The following RASAL2 variants were observed in gnomAD, a reference collection of about 807,000 sequenced individuals.
The protein encoded by RASAL2 is RAS protein activator like 2.
In RASAL2, 58 loss-of-function variants were observed where a neutral mutation model predicts 128.9. That is an observed-to-expected ratio of 0.45 (90% CI 0.36 to 0.56). The LOEUF (loss-of-function observed/expected upper bound fraction) is 0.56, where lower values mean the gene tolerates loss of function less well. Ranked by LOEUF, RASAL2 falls within the 20% of genes least tolerant of loss-of-function variation. RASAL2 has a pLI of 0.00. For missense variants in RASAL2, 1,360 were observed against 1,601.6 expected (o/e 0.85, Z 2.57); for synonymous variants, 561 against 580.8 (o/e 0.97, Z 0.49).
At chr1:178,385,186 C>T (rs1672492740) in intron 3 of RASAL2, among the ~76,000 whole-genome samples, 1 of 152,166 alleles carries the variant, frequency 6.6e-6, no homozygotes, top group African/African-American at 2.4e-5. Flanking sequence ...GTGGAGTTGG[C>T]TCAAGCCTGT....
intron 16 of RASAL2, among the ~76,000 whole-genome samples, 173 bp downstream of exon 16, chr1:178,466,295 A>C (rs1464202231): frequency 6.6e-6 from 1 of 152,270 alleles, no homozygotes; most frequent in East Asian, 1.9e-4. Context: ...GACCTTGGGC[A>C]CTTCCTATGA....
intron 2 of RASAL2, among the ~76,000 whole-genome samples, chr1:178,292,460 T>C (rs957873157): frequency 1.3e-4 from 20 of 152,322 alleles, no homozygotes; most frequent in Admixed American, 3.9e-4. Flanking sequence ...GAAGGGTAGA[T>C]TGGGGCAGAA....
At chr1:178,149,270 G>A (rs763769270) in intron 1 of RASAL2, among the ~76,000 whole-genome samples, 9 of 152,016 alleles carry the variant, frequency 5.9e-5, no homozygotes, top group Non-Finnish European at 1.2e-4. Context: ...TCTATAAAAG[G>A]GAATGTACTA....
chr1:178,331,275 A>G (rs2102368868), intron 3 of RASAL2, among the ~76,000 whole-genome samples: 1 of 152,294 alleles, frequency 6.6e-6, no homozygotes, highest in African/African-American at 2.4e-5. Flanking sequence ...GGCTCAAGCA[A>G]ATCCACCCGC....
At chr1:178,104,542 T>A (rs144061153) in intron 1 of RASAL2, among the ~76,000 whole-genome samples, 3 of 152,264 alleles carry the variant, frequency 2.0e-5, no homozygotes, top group African/African-American at 4.8e-5. Flanking sequence ...CCTAGAAGAG[T>A]ATGAAATGTT....
rs1303006336 is a variant in RASAL2, at chr1:178,383,049, GA to G, written c.458-7044del. On this transcript the variant is annotated intron_variant, in intron 3 of 17. Coordinates refer to ENST00000367649, the MANE Select transcript of RASAL2 (RefSeq NM_170692.4). ...GTGGTATTCAGATTCCTTGGCTGGG[GA>G]AAAAAATTGTTTTTCTATTATGTTA... Among the ~76,000 whole-genome samples, 16 of 151,992 alleles carry G rather than the reference GA, an allele frequency of 1.1e-4. No individual in the cohort carries two copies. The South Asian group carries it at 2.1e-3, about 20-fold the overall frequency.
At chr1:178,185,127 T>C (rs998285018) in intron 1 of RASAL2, among the ~76,000 whole-genome samples, 1 of 151,798 alleles carries the variant, frequency 6.6e-6, no homozygotes, top group Non-Finnish European at 1.5e-5. Flanking sequence ...TTTTTTTTAA[T>C]TTTCAAATTG....
At chr1:178,132,702 G>T (rs1242595191) in intron 1 of RASAL2, among the ~76,000 whole-genome samples, 1 of 151,888 alleles carries the variant, frequency 6.6e-6, no homozygotes, top group Non-Finnish European at 1.5e-5. Context: ...AGGTTTGGAG[G>T]ATGTGTACCA....
intron 1 of RASAL2, among the ~76,000 whole-genome samples, chr1:178,185,683 G>A (rs1662267703): frequency 6.6e-6 from 1 of 151,864 alleles, no homozygotes; most frequent in Non-Finnish European, 1.5e-5. Context: ...TTTATATGGT[G>A]GATTACATTT....
chr1:178,282,236 G>T (rs1434378134), intron 1 of RASAL2, among the ~76,000 whole-genome samples: 2 of 152,026 alleles, frequency 1.3e-5, no homozygotes, highest in African/African-American at 4.8e-5. Context: ...TTATCTTTGG[G>T]GGGAGTTGAT....
intron 1 of RASAL2, among the ~76,000 whole-genome samples, chr1:178,169,009 C>G (rs1661612685): frequency 6.6e-6 from 1 of 151,928 alleles, no homozygotes; most frequent in African/African-American, 2.4e-5. Context: ...ATGAAGTTAT[C>G]CTTAGTTTTC....
chr1:178,473,254 G>A lies in RASAL2; in HGVS notation c.*15G>A. The A allele has an allele frequency of 6.2e-7, 1 of 1,613,976 alleles. No homozygotes were observed. The highest frequency in any genetic ancestry group is 8.5e-7 in the Non-Finnish European group (1 of 1,179,918). On this transcript the variant is annotated 3_prime_UTR_variant, in exon 18 of 18. Transcript: ENST00000367649. ...GCAGCTGCTGACGGGCTTTGTCTGTGGAAGGAGACAGAAGGAAATTGACCC... is the reference window on the plus strand; with the variant it reads ...GCAGCTGCTGACGGGCTTTGTCTGTAGAAGGAGACAGAAGGAAATTGACCC...
chr1:178,379,685 T>C (rs1672176542), intron 3 of RASAL2, among the ~76,000 whole-genome samples: 2 of 152,152 alleles, frequency 1.3e-5, no homozygotes, highest in Non-Finnish European at 1.5e-5. Context: ...CAGGTGGACA[T>C]GGTTCCCTTA....
intron 1 of RASAL2, among the ~76,000 whole-genome samples, chr1:178,281,467 A>C (rs2102208400): frequency 6.6e-6 from 1 of 152,264 alleles, no homozygotes; most frequent in South Asian, 2.1e-4. Context: ...AAGAGAATTT[A>C]GATTTTCTTA....
Position 178,474,173 on chromosome 1 carries a change from T to C in RASAL2, c.*934T>C, listed in dbSNP as rs1038410794. On this transcript the variant is annotated 3_prime_UTR_variant, in exon 18 of 18. Transcript: ENST00000367649. Reference sequence around the variant, plus strand: ...GGTTTACTCTCCCCTGGAGAGGTTATTTAAATAGCTGTCCATAAGCCATCC... The same window carrying C: ...GGTTTACTCTCCCCTGGAGAGGTTACTTAAATAGCTGTCCATAAGCCATCC... The C allele has an allele frequency of 2.0e-5, 3 of 152,678 alleles. No individual in the cohort carries two copies. Among genetic ancestry groups the C allele is most frequent in the Non-Finnish European group, 4.4e-5 (3 of 68,044 alleles). The allele number at this position is 152,678 out of a possible 1,614,324, so 9.5% of individuals were successfully genotyped here.
Position 178,470,150 on chromosome 1 carries a change from A to G in RASAL2, c.3678+2729A>G, listed in dbSNP as rs186653165. On this transcript the variant is annotated intron_variant, in intron 17 of 17. Transcript: ENST00000367649. ...AGGATAAATCTTCTCTCTTAAGTGAATGATGGAGCAGAGCAGCCCTTCTGG... is the reference window on the plus strand; with the variant it reads ...AGGATAAATCTTCTCTCTTAAGTGAGTGATGGAGCAGAGCAGCCCTTCTGG... Among the ~76,000 whole-genome samples the G allele has an allele frequency of 4.6e-5, 7 of 152,340 alleles. No homozygotes were observed. The East Asian group carries it at 1.3e-3, about 29-fold the overall frequency.
In RASAL2 at chr1:178,322,024, G is replaced by T. The variant is rs576157545; in HGVS notation, c.457+21906G>T. Among the ~76,000 whole-genome samples the T allele has an allele frequency of 9.4e-4, 143 of 151,696 alleles. 1 individual carries two copies. The highest frequency in any genetic ancestry group is 3.4e-3 in the Middle Eastern group (1 of 294). ...AAAAATTTTTTTTTGGTAGAGATGG[G>T]GTCTCACCGTGTTGCCCAGGCTGGT... On this transcript the variant is annotated intron_variant, in intron 3 of 17. Transcript: ENST00000367649.
intron 3 of RASAL2, among the ~76,000 whole-genome samples, chr1:178,321,139 A>G (rs768514117): frequency 6.6e-6 from 1 of 152,154 alleles, no homozygotes; most frequent in African/African-American, 2.4e-5. Flanking sequence ...GCTGGAGTGC[A>G]GTGGCTTGAT....
chr1:178,165,957 A>G (rs905623171), intron 1 of RASAL2, among the ~76,000 whole-genome samples: 1 of 152,092 alleles, frequency 6.6e-6, no homozygotes, highest in Non-Finnish European at 1.5e-5. Flanking sequence ...TACATTTATA[A>G]GCTGCATTTC....
Sources: allele counts gnomAD v4.1 joint callset (sites outside exome capture counted in the v4.1 genomes callset), GRCh38; gene constraint gnomAD v4.1.1; transcripts MANE v1.5; gene names NCBI Gene and HGNC (gene_info 2026-07-23, HGNC 2026-07-21).